Variants in CRPPA observed in about 807,000 individuals in gnomAD.
CRPPA encodes the protein D-ribitol-5-phosphate cytidylyltransferase.
In CRPPA, 43 loss-of-function variants were observed where a neutral mutation model predicts 52.0. That is an observed-to-expected ratio of 0.83 (90% CI 0.65 to 1.07). The LOEUF (loss-of-function observed/expected upper bound fraction) is 1.07. CRPPA is among the 50% of genes least tolerant of loss of function. The probability of loss-of-function intolerance (pLI) is 0.00; values close to 1 mark genes in which losing one functional copy is unlikely to be tolerated. For synonymous variants in CRPPA, 250 were observed against 203.5 expected (o/e 1.23, Z -1.94); for missense variants, 629 against 551.7 (o/e 1.14, Z -1.40).
At chr7:16,365,718 T>C (rs1425373437) in intron 3 of CRPPA, among the ~76,000 whole-genome samples, 1 of 152,042 alleles carries the variant, frequency 6.6e-6, no homozygotes, top group African/African-American at 2.4e-5. Context: ...TAGAATAAAA[T>C]ACAACCATGA....
chr7:16,353,439 G>A (rs953184224), intron 3 of CRPPA, among the ~76,000 whole-genome samples: 6 of 152,160 alleles, frequency 3.9e-5, no homozygotes, highest in Non-Finnish European at 7.4e-5. Context: ...AGGGTGAGAT[G>A]TTGGTCAAAG....
At chr7:16,375,842 G>A (rs975538321) in intron 3 of CRPPA, among the ~76,000 whole-genome samples, 3 of 152,180 alleles carry the variant, frequency 2.0e-5, no homozygotes, top group Non-Finnish European at 2.9e-5. Context: ...GAAGGAAGGT[G>A]TGCTTTGCAT....
intron 3 of CRPPA, among the ~76,000 whole-genome samples, chr7:16,373,792 A>C (rs1786811424): frequency 3.3e-5 from 5 of 152,236 alleles, no homozygotes; most frequent in Admixed American, 3.3e-4. Flanking sequence ...AAATGAGATA[A>C]GCCAGAAGAA....
intron 8 of CRPPA, among the ~76,000 whole-genome samples, chr7:16,229,918 C>T (rs1005144149): frequency 2.6e-5 from 4 of 151,746 alleles, no homozygotes; most frequent in African/African-American, 7.3e-5. Flanking sequence ...CTATTCTTGG[C>T]TGACAGTTTT....
chr7:16,258,646 G>C (rs1221536704), intron 7 of CRPPA, among the ~76,000 whole-genome samples, 164 bp from the exon 8 acceptor site: 6 of 151,942 alleles, frequency 3.9e-5, no homozygotes, highest in Non-Finnish European at 8.8e-5. Context: ...AGTTATACAT[G>C]TCAAATTTTT....
chr7:16,283,512 A>G (rs1184652362), intron 5 of CRPPA, among the ~76,000 whole-genome samples: 3 of 149,904 alleles, frequency 2.0e-5, no homozygotes, highest in African/African-American at 7.3e-5. Flanking sequence ...TAAAAATGAT[A>G]CTATCTATGT....
chr7:16,268,088 C>G lies in CRPPA; in HGVS notation c.934-9076G>C, dbSNP rs1433481635. On this transcript the variant is annotated intron_variant, in intron 6 of 9. Coordinates refer to ENST00000407010, the MANE Select transcript of CRPPA (RefSeq NM_001101426.4). ...ACTGTATATAGAAGTATAATTGCAG[C>G]CTGTTTCCATATTAAAATCATGTGA... Among the ~76,000 whole-genome samples, 4 of 151,948 alleles carry G rather than the reference C, an allele frequency of 2.6e-5. 1 individual carries two copies. The highest frequency in any genetic ancestry group is 9.7e-5 in the African/African-American group (4 of 41,368).
At chr7:16,279,037 C>A (rs914696154) in intron 5 of CRPPA, among the ~76,000 whole-genome samples, 4 of 152,162 alleles carry the variant, frequency 2.6e-5, no homozygotes, top group East Asian at 1.9e-4. Flanking sequence ...TTCAAAGTTT[C>A]AGGCATCCTA....
At chr7:16,215,900 T>C (rs1368387067) in intron 9 of CRPPA, among the ~76,000 whole-genome samples, 166 bp downstream of exon 9, 1 of 152,202 alleles carries the variant, frequency 6.6e-6, no homozygotes, top group Non-Finnish European at 1.5e-5. Context: ...TTTCTATTTT[T>C]TTCCTAGAGG....
chr7:16,107,276 C>T (rs192664447), intron 9 of CRPPA, among the ~76,000 whole-genome samples: 16 of 152,158 alleles, frequency 1.1e-4, no homozygotes, highest in East Asian at 3.9e-4. Flanking sequence ...GAAAGCATAG[C>T]GGTCTCTAAT....
intron 8 of CRPPA, among the ~76,000 whole-genome samples, chr7:16,249,869 T>A (rs948982871): frequency 1.1e-4 from 16 of 152,140 alleles, no homozygotes; most frequent in African/African-American, 3.9e-4. Context: ...CAAAACTGGA[T>A]GGAGAATGAG....
At chr7:16,398,196 A>G (rs1225843051) in intron 2 of CRPPA, among the ~76,000 whole-genome samples, 2 of 152,146 alleles carry the variant, frequency 1.3e-5, no homozygotes, top group African/African-American at 4.8e-5. Context: ...CCAACATGAC[A>G]CGTGATCAAG....
chr7:16,188,060 T>G lies in CRPPA; in HGVS notation c.1251+28006A>C, dbSNP rs900086753. On this transcript the variant is annotated intron_variant, in intron 9 of 9. Transcript: ENST00000407010. ...TGGGTGAATTTTTTTTTTTTTTTTT[T>G]TTTTGAGACGGAGTCCTGTTCTGTC... 2.3e-3 allele frequency among the ~76,000 whole-genome samples: 340 copies of G among 150,632 alleles called. 1 individual carries two copies. The highest frequency in any genetic ancestry group is 3.7e-3 in the Non-Finnish European group (250 of 67,600).
chr7:16,370,506 C>T (rs949086517), intron 3 of CRPPA, among the ~76,000 whole-genome samples: 6 of 152,040 alleles, frequency 3.9e-5, no homozygotes, highest in African/African-American at 1.4e-4. Flanking sequence ...GTGGCTAGAC[C>T]CAGAAGAGCA....
At chr7:16,402,757 A>G (rs1787852691) in intron 2 of CRPPA, among the ~76,000 whole-genome samples, 2 of 152,168 alleles carry the variant, frequency 1.3e-5, no homozygotes, top group African/African-American at 4.8e-5. Context: ...ATACAAAAAC[A>G]GCAATATGAA....
intron 1 of CRPPA, among the ~76,000 whole-genome samples, chr7:16,412,262 AG>A (rs1256892934): frequency 3.9e-5 from 6 of 152,248 alleles, no homozygotes; most frequent in Non-Finnish European, 7.3e-5. Flanking sequence ...ATCAGTTTAT[AG>A]TAAGTTTTAA....
chr7:16,387,068 T>TATATATATATATATATATATATACAC (rs1787300005), intron 2 of CRPPA, among the ~76,000 whole-genome samples: 1 of 68,754 alleles, frequency 1.5e-5, no homozygotes, highest in Non-Finnish European at 2.7e-5. Flanking sequence ...TATATATATA[T>TATATATATATATATATATATATACAC]ATATATATAT....
At chr7:16,115,046 C>T (rs865869724) in intron 9 of CRPPA, among the ~76,000 whole-genome samples, 8 of 151,856 alleles carry the variant, frequency 5.3e-5, no homozygotes, top group South Asian at 4.2e-4. Context: ...TAATGTTTCA[C>T]GCACTCCAAA....
At chr7:16,309,717 A>G (rs1239250314) in intron 3 of CRPPA, among the ~76,000 whole-genome samples, 3 of 152,088 alleles carry the variant, frequency 2.0e-5, no homozygotes, top group African/African-American at 7.2e-5. Context: ...GGATTGCACA[A>G]GGCAACAAAT....
Sources: gnomAD v4.1 joint callset for allele counts (sites outside exome capture counted in the v4.1 genomes callset) on GRCh38, gnomAD v4.1.1 for gene constraint, MANE v1.5 for transcripts, NCBI Gene and HGNC (gene_info 2026-07-23, HGNC 2026-07-21) for gene names.